Variants in RNF2 observed in about 807,000 individuals in gnomAD.
The protein encoded by RNF2 is E3 ubiquitin-protein ligase RING2.
Under a neutral mutation model 37.2 loss-of-function variants are expected in RNF2, and 6 were observed. That is an observed-to-expected ratio of 0.16 (90% CI 0.09 to 0.32). The LOEUF is 0.32. Ranked by LOEUF, RNF2 falls within the 10% of genes least tolerant of loss-of-function variation. RNF2 has a pLI of 1.00. For missense variants in RNF2, 251 were observed against 404.0 expected, an observed-to-expected ratio of 0.62 and a Z score of 3.25; for synonymous variants, 133 against 132.7, an observed-to-expected ratio of 1.00 and a Z score of -0.02.
rs1240590256 is a variant in RNF2, at chr1:185,057,856, C to T, written c.-3+12207C>T. ...TTCAAAAATAATACAAATTTTTGGC[C>T]AGGCAAGGTAGCTCATGCCTATAAT... On this transcript the variant is annotated intron_variant, in intron 1 of 6. Coordinates refer to ENST00000367510, the MANE Select transcript of RNF2 (RefSeq NM_007212.4). 2.0e-5 allele frequency among the ~76,000 whole-genome samples: 3 copies of T among 151,540 alleles called. No homozygotes were observed. In the East Asian group the frequency reaches 5.8e-4, roughly 29 times the overall value.
At chr1:185,060,640 T>A (rs1650570832) in intron 1 of RNF2, among the ~76,000 whole-genome samples, 2 of 152,240 alleles carry the variant, frequency 1.3e-5, no homozygotes, top group Non-Finnish European at 2.9e-5. Flanking sequence ...AGTCTGAGGT[T>A]TAGTTGACTA....
chr1:185,082,345 C>CCTTT (rs1651442966), intron 1 of RNF2, among the ~76,000 whole-genome samples: 1 of 72,000 alleles, frequency 1.4e-5, no homozygotes, highest in South Asian at 5.1e-4. Context: ...CTCTGCAGAA[C>CCTTT]TTTTTTTTTT....
chr1:185,088,336 GA>G (rs965821091), intron 2 of RNF2, among the ~76,000 whole-genome samples: 1 of 152,056 alleles, frequency 6.6e-6, no homozygotes, highest in Non-Finnish European at 1.5e-5. Flanking sequence ...GATTGAGAGA[GA>G]GGGGGGATTT....
chr1:185,079,945 C>T (rs1033266277), intron 1 of RNF2, among the ~76,000 whole-genome samples: 2 of 151,826 alleles, frequency 1.3e-5, no homozygotes, highest in Admixed American at 1.3e-4. Context: ...AAAAAAAAGC[C>T]AATTGTGTCT....
At chr1:185,077,920 A>G (rs1651225863) in intron 1 of RNF2, among the ~76,000 whole-genome samples, 1 of 152,144 alleles carries the variant, frequency 6.6e-6, no homozygotes, top group Non-Finnish European at 1.5e-5. Context: ...ACATTGTGAT[A>G]AGGTAGTATT....
chr1:185,082,902 G>T (rs921969611), intron 1 of RNF2, among the ~76,000 whole-genome samples: 1 of 152,178 alleles, frequency 6.6e-6, no homozygotes, highest in Non-Finnish European at 1.5e-5. Flanking sequence ...TTAAAATGAT[G>T]TATAACATAA....
chr1:185,086,343 G>A (rs886849604), intron 1 of RNF2, among the ~76,000 whole-genome samples: 4 of 151,962 alleles, frequency 2.6e-5, no homozygotes, highest in African/African-American at 9.7e-5. Flanking sequence ...TCATTTTTCT[G>A]TGTCCCACAA....
At chr1:185,054,217 T>TG (rs1650360497) in intron 1 of RNF2, among the ~76,000 whole-genome samples, 1 of 152,234 alleles carries the variant, frequency 6.6e-6, no homozygotes, top group Non-Finnish European at 1.5e-5. Context: ...GGTTTCAATA[T>TG]GCCTTGGACT....
At chr1:185,088,903 A>T (rs1379859683) in intron 2 of RNF2, among the ~76,000 whole-genome samples, 1 of 151,846 alleles carries the variant, frequency 6.6e-6, no homozygotes, top group East Asian at 1.9e-4. Flanking sequence ...GACCAGTTTC[A>T]TCCATGTGCT....
intron 1 of RNF2, among the ~76,000 whole-genome samples, chr1:185,052,652 A>G (rs557559269): frequency 6.6e-6 from 1 of 152,366 alleles, no homozygotes; most frequent in East Asian, 1.9e-4. Context: ...TGAATGCGCT[A>G]AATGCCACTA....
chr1:185,076,062 C>T (rs975676681), intron 1 of RNF2, among the ~76,000 whole-genome samples: 3 of 151,736 alleles, frequency 2.0e-5, no homozygotes, highest in Non-Finnish European at 1.5e-5. Flanking sequence ...TATATATTAT[C>T]GTTATTGGCC....
chr1:185,055,285 A>G (rs1650400081), intron 1 of RNF2, among the ~76,000 whole-genome samples: 1 of 152,192 alleles, frequency 6.6e-6, no homozygotes, highest in Non-Finnish European at 1.5e-5. Flanking sequence ...AAATGTTCCA[A>G]TGAGCATTTC....
intron 1 of RNF2, among the ~76,000 whole-genome samples, chr1:185,082,901 T>G (rs1651471577): frequency 6.6e-6 from 1 of 152,240 alleles, no homozygotes; most frequent in Non-Finnish European, 1.5e-5. Context: ...ATTAAAATGA[T>G]GTATAACATA....
intron 4 of RNF2, among the ~76,000 whole-genome samples, chr1:185,095,477 G>A (rs1172444907): frequency 1.3e-5 from 2 of 151,922 alleles, no homozygotes; most frequent in Non-Finnish European, 2.9e-5. Context: ...TCCATTCTAG[G>A]ACTCTGTAAT....
At chr1:185,049,553 T>C (rs908425818) in intron 1 of RNF2, among the ~76,000 whole-genome samples, 3 of 152,086 alleles carry the variant, frequency 2.0e-5, no homozygotes, top group East Asian at 1.9e-4. Flanking sequence ...CAACAAGATA[T>C]CTGAGAGCAG....
At chr1:185,076,308 T>TTTTTTTTTTTTTTTG (rs1431777673) in intron 1 of RNF2, among the ~76,000 whole-genome samples, 1 of 113,244 alleles carries the variant, frequency 8.8e-6, no homozygotes, top group Non-Finnish European at 1.7e-5. Flanking sequence ...TTTTTTTTTT[T>TTTTTTTTTTTTTTTG]GAGACAGAGT....
chr1:185,086,084 G>A (rs983623760), intron 1 of RNF2, among the ~76,000 whole-genome samples: 1 of 151,730 alleles, frequency 6.6e-6, no homozygotes, highest in South Asian at 2.1e-4. Flanking sequence ...TTTCCTTTAA[G>A]CTCTGTTGGA....
chr1:185,047,959 G>A (rs1386128845), intron 1 of RNF2, among the ~76,000 whole-genome samples: 1 of 152,184 alleles, frequency 6.6e-6, no homozygotes, highest in African/African-American at 2.4e-5. Flanking sequence ...TTAATACTGA[G>A]TAGGTGCCCA....
intron 1 of RNF2, among the ~76,000 whole-genome samples, chr1:185,056,891 T>C (rs1485326847): frequency 6.6e-6 from 1 of 152,250 alleles, no homozygotes; most frequent in Non-Finnish European, 1.5e-5. Context: ...AAAATGCTTT[T>C]GGTACTTAAT....
Sources: allele counts gnomAD v4.1 joint callset (sites outside exome capture counted in the v4.1 genomes callset), GRCh38; gene constraint gnomAD v4.1.1; transcripts MANE v1.5; gene names NCBI Gene and HGNC (gene_info 2026-07-23, HGNC 2026-07-21).